The following ATG12 variants were observed in gnomAD, a reference collection of about 807,000 sequenced individuals.
ATG12 encodes ubiquitin-like protein ATG12.
A neutral mutation model predicts 17.6 loss-of-function variants in ATG12; 19 were observed. The ratio of observed to expected loss-of-function variants is 1.08; its 90% CI spans 0.75 to 1.58. ATG12 has a LOEUF of 1.58. Ranked by LOEUF, ATG12 falls within the 40% of genes most tolerant of loss-of-function variation. ATG12 has a pLI of 0.00. For synonymous variants in ATG12, 75 were observed against 62.4 expected (o/e 1.20, Z -0.95); for missense variants, 214 against 162.0 (o/e 1.32, Z -1.74).
chr5:115,831,448 T>C lies in ATG12; in HGVS notation c.*356A>G. On this transcript the variant is annotated 3_prime_UTR_variant, in exon 4 of 4. Transcript: ENST00000509910. The stretch of plus-strand genomic sequence containing the variant: ...AAAAAAAAAGGAACCCTTTAGTATA[T>C]TAACTTTTACCATGAAAACAATTTC... The C allele has an allele frequency of 3.5e-6, 1 of 287,772 alleles. No homozygotes were observed. The highest frequency in any genetic ancestry group is 6.5e-6 in the Non-Finnish European group (1 of 154,058). 17.8% of individuals were successfully genotyped at this position (287,772 alleles called of 1,614,324 possible).
In ATG12 at chr5:115,837,729, T is replaced by C; in HGVS notation, c.199A>G (p.Ile67Val). ...ACTGCCCACTTCTTTGTTTTCATAA[T>C]AGGAGTGTCTCCCACAGCCTTTAGC... ...ILLKAVGDTPIMKTKKWAVER... is the reference protein window; with the variant it reads ...ILLKAVGDTPVMKTKKWAVER... The change falls in exon 2 of 4, where the codon ATT becomes GTT. Residue 67 changes from isoleucine (I) to valine (V), a missense_variant. By Grantham distance (29) the Ile-to-Val change is conservative. Coordinates refer to ENST00000509910, the MANE Select transcript of ATG12 (RefSeq NM_004707.4). 1 of 1,612,308 alleles carries C rather than the reference T, an allele frequency of 6.2e-7. No individual in the cohort carries two copies. The highest frequency in any genetic ancestry group is 8.5e-7 in the Non-Finnish European group (1 of 1,179,422).
In ATG12 at chr5:115,828,408, A is replaced by G. The variant is rs1427199487; in HGVS notation, c.*3396T>C. On this transcript the variant is annotated 3_prime_UTR_variant, in exon 4 of 4. Transcript: ENST00000509910. ...AGGATTTCCCCACAACTCTGCTAAT[A>G]GCAAGATGTACATTATTTTTATTGT... The G allele has an allele frequency of 6.6e-6, 1 of 152,236 alleles. No individual in the cohort carries two copies. The highest frequency in any genetic ancestry group is 6.5e-5 in the Admixed American group (1 of 15,286). 9.4% of individuals were successfully genotyped at this position (152,236 alleles called of 1,614,324 possible).
At chr5:115,841,142 A>T in intron 1 of ATG12, 4 of 409,304 alleles carry the variant, frequency 9.8e-6, no homozygotes. Flanking sequence ...CCAACTCAAA[A>T]AAATACAGTA....
chr5:115,840,017 C>G (rs1761283710), intron 1 of ATG12, among the ~76,000 whole-genome samples: 1 of 152,196 alleles, frequency 6.6e-6, no homozygotes, highest in African/African-American at 2.4e-5. Flanking sequence ...CAGCTATCAT[C>G]AGAGTCAAGT....
rs532922384 is a variant in ATG12, at chr5:115,841,485, G to C, written c.68C>G (p.Thr23Arg). 5.6e-6 allele frequency: 9 copies of C among 1,611,862 alleles called. No homozygotes were observed. The highest frequency in any genetic ancestry group is 2.2e-5 in the East Asian group (1 of 44,848). The change falls in exon 1 of 4, where the codon ACG becomes AGG. Residue 23 changes from threonine to arginine, a missense_variant. By Grantham distance (71) the Thr-to-Arg change is moderately conservative. Transcript: ENST00000509910. ...GGTGGTTGTTTCTGGGGAGACATCC[G>C]TAAGTCCTTCCCCTCCAGCAGCAAT... ...TSIAAGGEGL[T>R]DVSPETTTPE...
chr5:115,839,271 G>A (rs1761230234), intron 1 of ATG12: 1 of 151,892 alleles, frequency 6.6e-6, no homozygotes, highest in Admixed American at 6.6e-5. Flanking sequence ...AAAGATCAGA[G>A]GTCATTTTAT....
At chr5:115,835,745 G>A (rs1391424226) in intron 2 of ATG12, among the ~76,000 whole-genome samples, 1 of 152,082 alleles carries the variant, frequency 6.6e-6, no homozygotes, top group Non-Finnish European at 1.5e-5. Flanking sequence ...GCGTTTTTGA[G>A]GTTCTACTTT....
In ATG12 at chr5:115,832,676, GA is replaced by G. The variant is rs1760935477; in HGVS notation, c.301-13del. 1 of 1,502,938 alleles carries G rather than the reference GA, an allele frequency of 6.7e-7. No individual in the cohort carries two copies. The highest frequency in any genetic ancestry group is 1.5e-5 in the African/African-American group (1 of 66,414). 93.1% of individuals were successfully genotyped at this position (1,502,938 alleles called of 1,614,324 possible). ...TTCACATAAATAAACTACAAGAAAG[GA>G]AGGAAAAACAGAGATGTTTAATGGT... On this transcript the variant is annotated splice_polypyrimidine_tract_variant and intron_variant, in intron 2 of 3. Transcript: ENST00000509910.
intron 2 of ATG12, chr5:115,834,328 C>T (rs565705902): frequency 6.6e-6 from 1 of 152,134 alleles, no homozygotes; most frequent in East Asian, 1.9e-4. Flanking sequence ...AGACATAAAT[C>T]TGTTTGCATA....
At chr5:115,834,677 G>A (rs528247239) in intron 2 of ATG12, among the ~76,000 whole-genome samples, 5 of 152,214 alleles carry the variant, frequency 3.3e-5, no homozygotes, top group South Asian at 4.1e-4. Flanking sequence ...TCTGTGCCCC[G>A]ATTAAGTCAG....
intron 1 of ATG12, chr5:115,838,339 A>G (rs944603744): frequency 3.3e-5 from 5 of 152,248 alleles, no homozygotes; most frequent in Non-Finnish European, 7.3e-5. Context: ...TAAATACCCA[A>G]AAAGGATATT....
rs26536 is a variant in ATG12 at position 115,840,892 on chromosome 5, A to T, written c.163+498T>A. ...TTTCCCTTAGCAGTCTTCATTCTGC[A>T]TAAGAATTTGGTTTTTGGTTTAAGG... On this transcript the variant is annotated intron_variant, in intron 1 of 3. Transcript: ENST00000509910. 9.5e-4 allele frequency: 1,229 copies of T among 1,287,734 alleles called. 12 individuals are homozygous for T. The African/African-American group carries it at 0.018, about 18-fold the overall frequency. 79.8% of individuals were successfully genotyped at this position (1,287,734 alleles called of 1,614,324 possible). A position where few individuals can be genotyped will look rare whatever the true frequency, so the allele number is the denominator to read the frequency against.
At chr5:115,832,516 T>C in intron 3 of ATG12, 86 bp downstream of exon 3, 1 of 1,333,740 alleles carries the variant, frequency 7.5e-7, no homozygotes, top group Non-Finnish European at 9.8e-7. Flanking sequence ...CTACACAATA[T>C]ACATATTATA....
At chr5:115,835,721 G>A (rs926916567) in intron 2 of ATG12, among the ~76,000 whole-genome samples, 4 of 152,060 alleles carry the variant, frequency 2.6e-5, no homozygotes, top group African/African-American at 9.7e-5. Flanking sequence ...TTACTTCCCG[G>A]TCAGGATCTA....
At chr5:115,837,953 C>A in intron 1 of ATG12, 189 bp from the exon 2 acceptor site, 1 of 495,416 alleles carries the variant, frequency 2.0e-6, no homozygotes. Flanking sequence ...CTACAAAGTT[C>A]TCCCAACAGG....
chr5:115,841,521 A>C lies in ATG12; in HGVS notation c.32T>G (p.Leu11Arg), dbSNP rs528434479. Residue 11 changes from leucine to arginine, a missense_variant, in exon 1 of 4, where the codon CTT (leucine) becomes CGT (arginine). Physicochemically the swap from Leu to Arg is moderately radical, Grantham distance 102 (BLOSUM62 -2). Coordinates refer to ENST00000509910, the MANE Select transcript of ATG12 (RefSeq NM_004707.4). Reference sequence around the variant, plus strand: ...CCCTCCAGCAGCAATTGAAGTAGGAAGCTGCAACACAGACTGCGGCTCCTC... The same window carrying C: ...CCCTCCAGCAGCAATTGAAGTAGGACGCTGCAACACAGACTGCGGCTCCTC... MAEEPQSVLQ[L>R]PTSIAAGGEG... 1 of 1,612,752 alleles carries C rather than the reference A, an allele frequency of 6.2e-7. No individual in the cohort carries two copies. Among genetic ancestry groups the C allele is most frequent in the Admixed American group, 1.7e-5 (1 of 59,592 alleles).
At chr5:115,837,847 A>G (rs921225397) in intron 1 of ATG12, 83 bp from the exon 2 acceptor site, 3 of 1,149,056 alleles carry the variant, frequency 2.6e-6, no homozygotes, top group African/African-American at 3.2e-5. Context: ...GAAATCAGAA[A>G]TATTTAATCT....
In ATG12 at chr5:115,828,741, TA is replaced by T. The variant is rs1760739707; in HGVS notation, c.*3062del. On this transcript the variant is annotated 3_prime_UTR_variant, in exon 4 of 4. Coordinates refer to ENST00000509910, the MANE Select transcript of ATG12 (RefSeq NM_004707.4). ...TCATTCACTCGATGTGTTACATTAC[TA>T]ATTATTTACATATAAGGAAATGTAC... 2 of 152,346 alleles carry T rather than the reference TA, an allele frequency of 1.3e-5. No homozygotes were observed. Among genetic ancestry groups the T allele is most frequent in the Admixed American group, 1.3e-4 (2 of 15,306 alleles). 9.4% of individuals were successfully genotyped at this position (152,346 alleles called of 1,614,324 possible).
chr5:115,837,918 C>A (rs969414770), intron 1 of ATG12, 154 bp from the exon 2 acceptor site: 9 of 645,788 alleles, frequency 1.4e-5, no homozygotes, highest in African/African-American at 1.3e-4. Context: ...ATGTTAGATT[C>A]TTTTCCATCA....
Sources: gnomAD v4.1 joint callset for allele counts (sites outside exome capture counted in the v4.1 genomes callset) on GRCh38, gnomAD v4.1.1 for gene constraint, MANE v1.5 for transcripts, NCBI Gene and HGNC (gene_info 2026-07-23, HGNC 2026-07-21) for gene names.